The following ABHD12 variants were observed in gnomAD, a reference collection of about 807,000 sequenced individuals.
ABHD12 encodes abhydrolase domain containing 12, lysophospholipase, also known as lysophosphatidylserine lipase ABHD12.
A neutral mutation model predicts 58.3 loss-of-function variants in ABHD12; 43 were observed. The ratio of observed to expected loss-of-function variants is 0.74; its 90% confidence interval spans 0.58 to 0.95. The LOEUF (loss-of-function observed/expected upper bound fraction) is 0.95. Ranked by LOEUF, ABHD12 falls within the 40% of genes least tolerant of loss-of-function variation. ABHD12 has a pLI of 0.00. For missense variants in ABHD12, 539 were observed against 537.2 expected, an observed-to-expected ratio of 1.00 and a Z score of -0.03; for synonymous variants, 219 against 211.2, an observed-to-expected ratio of 1.04 and a Z score of -0.32.
chr20:25,351,192 A>G (rs560086562), intron 1 of ABHD12, among the ~76,000 whole-genome samples: 75 of 152,332 alleles, frequency 4.9e-4, no homozygotes, highest in African/African-American at 1.8e-3. Context: ...CCCAACAGTG[A>G]CATCATTGGA....
At chr20:25,349,497 T>C (rs1044550028) in intron 1 of ABHD12, among the ~76,000 whole-genome samples, 1 of 152,204 alleles carries the variant, frequency 6.6e-6, no homozygotes, top group Non-Finnish European at 1.5e-5. Flanking sequence ...CAAGTGTCCA[T>C]CAGCAGATGA....
Position 25,390,576 on chromosome 20 carries a change from G to A in ABHD12, c.128C>T (p.Thr43Met), listed in dbSNP as rs1456215767. 1 of 1,476,770 alleles carries A rather than the reference G, an allele frequency of 6.8e-7. No individual in the cohort carries two copies. The highest frequency in any genetic ancestry group is 8.9e-7 in the Non-Finnish European group (1 of 1,120,668). The allele number at this position is 1,476,770 out of a possible 1,614,324, so 91.5% of individuals were successfully genotyped here. A position where few individuals can be genotyped will look rare whatever the true frequency, so the allele number is the denominator to read the frequency against. The change falls in exon 1 of 13, where the codon ACG becomes ATG. Residue 43 changes from threonine to methionine, a missense_variant. Physicochemically the swap from Thr to Met is moderately conservative, Grantham distance 81 (BLOSUM62 -1). Transcript: ENST00000339157. The stretch of plus-strand genomic sequence containing the variant: ...GCGCGGCTCAGCCGCCGCCGGGCCC[G>A]TCAGGCGTAGGTTCTGCTTCAGGCG... ...DCRLKQNLRL[T>M]GPAAAEPRCA...
At chr20:25,294,854 G>T (rs1364722181) in exon 13 of ABHD12, 2 of 1,144,724 alleles carry the variant, frequency 1.7e-6, no homozygotes, top group African/African-American at 3.0e-5. Context: ...CTTCACCGTT[G>T]GCAAAAGTTG....
intron 1 of ABHD12, among the ~76,000 whole-genome samples, chr20:25,344,953 A>C (rs1036745133): frequency 1.3e-5 from 2 of 152,250 alleles, no homozygotes; most frequent in African/African-American, 2.4e-5. Context: ...GAAAAAAATG[A>C]AAGTAGACCT....
At chr20:25,295,544 C>T (rs549740068), downstream of ABHD12, 72 of 1,542,426 alleles carry the variant, frequency 4.7e-5, no homozygotes, top group African/African-American at 8.2e-5. Context: ...ACTCTCCCCT[C>T]GGGACAGTGT....
chr20:25,297,071 C>T, downstream of ABHD12: 1 of 160,564 alleles, frequency 6.2e-6, no homozygotes, highest in Non-Finnish European at 1.4e-5. Context: ...CAGCCCCCTG[C>T]CCCCTGCCCT....
intron 6 of ABHD12, among the ~76,000 whole-genome samples, chr20:25,314,290 C>T (rs2088919654): frequency 6.6e-6 from 1 of 152,130 alleles, no homozygotes; most frequent in Non-Finnish European, 1.5e-5. Context: ...ACACTTCTTA[C>T]TGTCTTCGTA....
At chr20:25,299,923 C>A (rs2088606042), downstream of ABHD12, among the ~76,000 whole-genome samples, 2 of 152,122 alleles carry the variant, frequency 1.3e-5, no homozygotes, top group African/African-American at 2.4e-5. Flanking sequence ...GATCTGAGAA[C>A]CGCTATAGGT....
intron 1 of ABHD12, among the ~76,000 whole-genome samples, chr20:25,369,069 G>T (rs1204659606): frequency 6.6e-6 from 1 of 152,098 alleles, no homozygotes; most frequent in South Asian, 2.1e-4. Flanking sequence ...GGTAAGCCAT[G>T]ATTGCACCAC....
At chr20:25,316,454 C>T (rs1328201626) in intron 5 of ABHD12, among the ~76,000 whole-genome samples, 1 of 152,208 alleles carries the variant, frequency 6.6e-6, no homozygotes, top group East Asian at 1.9e-4. Context: ...CCACCACACC[C>T]AGCCGTCTCT....
At chr20:25,365,263 A>G (rs1482488038) in intron 1 of ABHD12, among the ~76,000 whole-genome samples, 1 of 152,236 alleles carries the variant, frequency 6.6e-6, no homozygotes, top group South Asian at 2.1e-4. Flanking sequence ...ATGCCCACAG[A>G]TAAGCATTTT....
At chr20:25,346,896 G>A (rs766559852) in intron 1 of ABHD12, among the ~76,000 whole-genome samples, 4 of 152,066 alleles carry the variant, frequency 2.6e-5, no homozygotes, top group African/African-American at 7.2e-5. Flanking sequence ...CACCCGCCTC[G>A]GCCTCCCAAA....
chr20:25,303,714 A>G, intron 10 of ABHD12, 86 bp from the exon 11 acceptor site: 1 of 1,577,598 alleles, frequency 6.3e-7, no homozygotes, highest in Non-Finnish European at 8.6e-7. Context: ...ATCTGGGTTC[A>G]GGGTGTGTTT....
At chr20:25,372,991 C>T (rs1439886028) in intron 1 of ABHD12, among the ~76,000 whole-genome samples, 2 of 151,338 alleles carry the variant, frequency 1.3e-5, no homozygotes, top group African/African-American at 4.9e-5. Flanking sequence ...TGTGTAGATA[C>T]ACAAATACTT....
chr20:25,334,150 C>A (rs1412691187), intron 2 of ABHD12, among the ~76,000 whole-genome samples: 2 of 151,216 alleles, frequency 1.3e-5, no homozygotes, highest in Non-Finnish European at 2.9e-5. Context: ...CACAAGCATT[C>A]TTATACACCA....
chr20:25,337,920 C>T (rs942669095), intron 2 of ABHD12, among the ~76,000 whole-genome samples: 6 of 152,108 alleles, frequency 3.9e-5, no homozygotes, highest in African/African-American at 1.2e-4. Flanking sequence ...TCTACTTTTC[C>T]ATTAGAAAAA....
chr20:25,356,559 G>C (rs1441375361), intron 1 of ABHD12, among the ~76,000 whole-genome samples: 4 of 152,220 alleles, frequency 2.6e-5, no homozygotes, highest in African/African-American at 9.6e-5. Context: ...GTTTGACAGT[G>C]ATTTCCTTTT....
chr20:25,322,201 A>C (rs1005960238), intron 3 of ABHD12, among the ~76,000 whole-genome samples: 1 of 151,582 alleles, frequency 6.6e-6, no homozygotes, highest in East Asian at 1.9e-4. Flanking sequence ...TATTCCAAGG[A>C]GACACAGAGA....
chr20:25,319,678 G>A (rs1359270337), intron 4 of ABHD12, among the ~76,000 whole-genome samples: 1 of 152,192 alleles, frequency 6.6e-6, no homozygotes, highest in Non-Finnish European at 1.5e-5. Context: ...TCCCAAGAGC[G>A]CGAGGCACCC....
Sources: allele counts gnomAD v4.1 joint callset (sites outside exome capture counted in the v4.1 genomes callset), GRCh38; gene constraint gnomAD v4.1.1; transcripts MANE v1.5; gene names NCBI Gene and HGNC (gene_info 2026-07-23, HGNC 2026-07-21).